Variants in EPHB1 observed in about 807,000 individuals in gnomAD.
The protein encoded by EPHB1 is ephrin type-B receptor 1.
EPHB1 carries 30 observed loss-of-function variants against 94.4 expected under a neutral mutation model. The ratio of observed to expected loss-of-function variants is 0.32; its 90% CI spans 0.24 to 0.43. The LOEUF (loss-of-function observed/expected upper bound fraction) is 0.43. Ranked by LOEUF, EPHB1 falls within the 20% of genes least tolerant of loss-of-function variation. The pLI, the probability that EPHB1 is intolerant of heterozygous loss-of-function variation, is 1.00. For synonymous variants in EPHB1, 522 were observed against 489.1 expected (o/e 1.07, Z -0.89); for missense variants, 1,055 against 1,308.3 (o/e 0.81, Z 2.99).
At chr3:134,908,902 T>C (rs2038392639) in intron 1 of EPHB1, among the ~76,000 whole-genome samples, 1 of 151,684 alleles carries the variant, frequency 6.6e-6, no homozygotes, top group Non-Finnish European at 1.5e-5. Flanking sequence ...GTGGAATTCA[T>C]AAGGGAACAG....
intron 4 of EPHB1, among the ~76,000 whole-genome samples, chr3:135,132,206 G>T (rs114391251): frequency 6.6e-6 from 1 of 152,138 alleles, no homozygotes; most frequent in African/African-American, 2.4e-5. Context: ...TCCCTACAGA[G>T]ATGCATCCCT....
At chr3:135,006,687 G>A (rs1387201722) in intron 3 of EPHB1, among the ~76,000 whole-genome samples, 2 of 152,104 alleles carry the variant, frequency 1.3e-5, no homozygotes, top group Non-Finnish European at 2.9e-5. Context: ...AATGAGAGGA[G>A]AATGCTGCAG....
intron 1 of EPHB1, among the ~76,000 whole-genome samples, chr3:134,867,050 C>G (rs531655254): frequency 6.6e-6 from 1 of 152,124 alleles, no homozygotes; most frequent in African/African-American, 2.4e-5. Flanking sequence ...CCACTGAGAA[C>G]GGACAATATG....
intron 5 of EPHB1, among the ~76,000 whole-genome samples, chr3:135,140,812 A>T (rs537158204): frequency 6.6e-6 from 1 of 152,338 alleles, no homozygotes; most frequent in Admixed American, 6.5e-5. Context: ...CCCCGCGCCT[A>T]TCATTTTCAC....
In EPHB1 at chr3:134,951,971, G is replaced by A. The variant is rs765851482; in HGVS notation, c.724G>A (p.Gly242Arg). 5 of 1,614,028 alleles carry A rather than the reference G, an allele frequency of 3.1e-6. No individual in the cohort carries two copies. The highest frequency in any genetic ancestry group is 1.7e-5 in the Admixed American group (1 of 60,030). ...VDVPIKLYCN[G>R]DGEWMVPIGR... Reference sequence around the variant, plus strand: ...CGTGCCCATCAAACTCTACTGCAACGGGGATGGGGAATGGATGGTGCCTAT... The same window carrying A: ...CGTGCCCATCAAACTCTACTGCAACAGGGATGGGGAATGGATGGTGCCTAT... Residue 242 changes from glycine to arginine, a missense_variant, in exon 3 of 16, where the codon GGG becomes AGG. Physicochemically the swap from Gly to Arg is moderately radical, Grantham distance 125 (BLOSUM62 -2). Transcript: ENST00000398015. This position sits in a 1 kb window ranked among gnomAD's most constrained non-coding sequence, Gnocchi z 4.5.
chr3:134,992,225 G>A (rs1400559484), intron 3 of EPHB1, among the ~76,000 whole-genome samples: 1 of 152,152 alleles, frequency 6.6e-6, no homozygotes, highest in Non-Finnish European at 1.5e-5. Flanking sequence ...GCACTCAGGG[G>A]GTGATCCAGG....
intron 1 of EPHB1, among the ~76,000 whole-genome samples, chr3:134,913,047 T>A (rs2038487964): frequency 6.6e-6 from 1 of 152,248 alleles, no homozygotes; most frequent in African/African-American, 2.4e-5. Context: ...TTTTTGGTTT[T>A]CCATTTTCCT....
At chr3:135,194,535 A>G (rs1423999676) in intron 11 of EPHB1, among the ~76,000 whole-genome samples, 2 of 152,192 alleles carry the variant, frequency 1.3e-5, no homozygotes, top group Non-Finnish European at 2.9e-5. Context: ...ATGTGGACCT[A>G]TTTGGTAATT....
intron 3 of EPHB1, among the ~76,000 whole-genome samples, chr3:134,973,738 C>T (rs980803983): frequency 2.6e-5 from 4 of 152,024 alleles, no homozygotes; most frequent in Non-Finnish European, 5.9e-5. Flanking sequence ...GGCTTGTCTT[C>T]TAGTCTTAAA....
At chr3:134,892,559 C>T (rs2038008305) in intron 1 of EPHB1, among the ~76,000 whole-genome samples, 1 of 152,224 alleles carries the variant, frequency 6.6e-6, no homozygotes, top group African/African-American at 2.4e-5. Flanking sequence ...GGTGACCCCT[C>T]AGGGGAACAA....
intron 2 of EPHB1, among the ~76,000 whole-genome samples, chr3:134,944,340 C>T (rs1252404335): frequency 6.6e-6 from 1 of 152,092 alleles, no homozygotes; most frequent in Non-Finnish European, 1.5e-5. Context: ...TGTATGGGCA[C>T]ATCAGATTTT....
At chr3:135,021,723 T>C (rs992957988) in intron 3 of EPHB1, among the ~76,000 whole-genome samples, 2 of 152,232 alleles carry the variant, frequency 1.3e-5, no homozygotes, top group African/African-American at 4.8e-5. Flanking sequence ...GGAATAAGAT[T>C]ATTTCTCTCT....
rs770160653 is a variant in EPHB1, at chr3:135,248,424, C to A, written c.2605C>A (p.Pro869Thr). 1 of 1,613,874 alleles carries A rather than the reference C, an allele frequency of 6.2e-7. No individual in the cohort carries two copies. Among genetic ancestry groups the A allele is most frequent in the Non-Finnish European group, 8.5e-7 (1 of 1,179,856 alleles). ...TTGGCAGAAGGACCGGAACAGCCGG[C>A]CCCGGTTTGCGGAGATTGTCAACAC... ...DCWQKDRNSR[P>T]RFAEIVNTLD... The change falls in exon 14 of 16, where the codon CCC becomes ACC. Residue 869 changes from proline (P) to threonine (T), a missense_variant. Pro to Thr is a conservative substitution (Grantham distance 38, BLOSUM62 -1). Transcript: ENST00000398015.
chr3:135,138,089 C>T (rs1472266631), intron 5 of EPHB1, among the ~76,000 whole-genome samples: 2 of 152,226 alleles, frequency 1.3e-5, no homozygotes, highest in Non-Finnish European at 2.9e-5. Flanking sequence ...ATTTTCCCCT[C>T]ACTTGCATGA....
At chr3:135,177,754 G>T (rs1942024479) in intron 9 of EPHB1, among the ~76,000 whole-genome samples, 1 of 152,160 alleles carries the variant, frequency 6.6e-6, no homozygotes, top group African/African-American at 2.4e-5. Flanking sequence ...GGAACCCAAG[G>T]TAAGACAGGG....
intron 1 of EPHB1, among the ~76,000 whole-genome samples, chr3:134,815,359 T>C (rs2036250343): frequency 6.6e-6 from 1 of 151,924 alleles, no homozygotes; most frequent in African/African-American, 2.4e-5. Flanking sequence ...AGGAGGAAAA[T>C]AAACAGATGA....
intron 1 of EPHB1, among the ~76,000 whole-genome samples, chr3:134,839,159 A>T (rs2036731575): frequency 6.6e-6 from 1 of 152,194 alleles, no homozygotes; most frequent in Non-Finnish European, 1.5e-5. Context: ...AGGGAAATCC[A>T]CATGGTCAGG....
intron 1 of EPHB1, among the ~76,000 whole-genome samples, chr3:134,868,733 G>T (rs577280353): frequency 2.0e-4 from 30 of 152,252 alleles, no homozygotes; most frequent in African/African-American, 7.0e-4. Context: ...CTGGCTTCAA[G>T]TTGTGCACCA....
chr3:135,168,739 C>CCA (rs1252644989), intron 9 of EPHB1, among the ~76,000 whole-genome samples: 1 of 152,110 alleles, frequency 6.6e-6, no homozygotes, highest in Non-Finnish European at 1.5e-5. Context: ...TCATCATGAG[C>CCA]CACTGTAAGG....
Sources: gnomAD v4.1 joint callset for allele counts (sites outside exome capture counted in the v4.1 genomes callset) on GRCh38, gnomAD v4.1.1 for gene constraint, Gnocchi (gnomAD v3.1) non-coding constraint, MANE v1.5 for transcripts, NCBI Gene and HGNC (gene_info 2026-07-23, HGNC 2026-07-21) for gene names.